Variants in ASIC4 observed in about 807,000 individuals in gnomAD.
The protein encoded by ASIC4 is acid-sensing ion channel 4.
In ASIC4, 28 loss-of-function variants were observed where a neutral mutation model predicts 53.4. That is an observed-to-expected ratio of 0.52 (90% CI 0.39 to 0.72). The LOEUF is 0.72. Among genes scored for constraint, ASIC4 ranks in the 30% least tolerant of loss-of-function variants. The probability of loss-of-function intolerance (pLI) is 0.00; values close to 1 mark genes in which losing one functional copy is unlikely to be tolerated. For synonymous variants in ASIC4, 289 were observed against 301.4 expected, an observed-to-expected ratio of 0.96 and a Z score of 0.43; for missense variants, 649 against 729.7, an observed-to-expected ratio of 0.89 and a Z score of 1.27.
intron 1 of ASIC4, among the ~76,000 whole-genome samples, chr2:219,528,818 G>T (rs1339819067): frequency 1.3e-5 from 2 of 152,184 alleles, no homozygotes; most frequent in African/African-American, 4.8e-5. Flanking sequence ...GGGATTACAG[G>T]TGTGAGCCAC....
chr2:219,533,353 C>G (rs1213227111), intron 5 of ASIC4: 3 of 277,684 alleles, frequency 1.1e-5, no homozygotes, highest in Non-Finnish European at 2.1e-5. Flanking sequence ...ATCTATCCAT[C>G]CATTCATCGA....
In ASIC4 at chr2:219,538,408, A is replaced by G. The variant is rs1173101357; in HGVS notation, c.*362A>G. 1 of 257,050 alleles carries G rather than the reference A, an allele frequency of 3.9e-6. No individual in the cohort carries two copies. Among genetic ancestry groups the G allele is most frequent in the Non-Finnish European group, 7.6e-6 (1 of 131,378 alleles). 15.9% of individuals were successfully genotyped at this position (257,050 alleles called of 1,614,324 possible). On this transcript the variant is annotated 3_prime_UTR_variant, in exon 10 of 10. Transcript: ENST00000358078. Reference sequence around the variant, plus strand: ...AGCCGGGTGGGGGGAGGGGATACAGATGTAGAAGGTGGGTAGGGCTACAGG... The same window carrying G: ...AGCCGGGTGGGGGGAGGGGATACAGGTGTAGAAGGTGGGTAGGGCTACAGG...
chr2:219,524,412 C>A (rs1286353724), intron 1 of ASIC4, among the ~76,000 whole-genome samples: 2 of 152,238 alleles, frequency 1.3e-5, no homozygotes, highest in Non-Finnish European at 2.9e-5. Context: ...CTTCCTTATC[C>A]TCTCTGTACC....
At chr2:219,532,773 T>A (rs1207179485) in intron 4 of ASIC4, 110 bp from the exon 5 acceptor site, 2 of 1,095,124 alleles carry the variant, frequency 1.8e-6, no homozygotes, top group Non-Finnish European at 2.7e-6. Flanking sequence ...CAAGCACATT[T>A]ATGCAAATGT....
rs1014617399 is a variant in ASIC4, at chr2:219,536,011, G to T, written c.1229+687G>T. Among the ~76,000 whole-genome samples, 4 of 152,122 alleles carry T rather than the reference G, an allele frequency of 2.6e-5. No individual in the cohort carries two copies. The highest frequency in any genetic ancestry group is 1.3e-4 in the Admixed American group (2 of 15,276). On this transcript the variant is annotated intron_variant, in intron 6 of 9. Coordinates refer to ENST00000358078, the MANE Select transcript of ASIC4 (RefSeq NM_018674.6). The surrounding 1 kb of genome is among the most constrained non-coding windows in gnomAD (Gnocchi z 4.6). The stretch of plus-strand genomic sequence containing the variant: ...TGGTCTTAAACTCCTGACCTCAAGT[G>T]ATCTGCCGTCCTTGGTCTCCCAAAG...
intron 5 of ASIC4, 141 bp from the exon 6 acceptor site, chr2:219,535,030 A>G: frequency 2.4e-6 from 3 of 1,258,034 alleles, no homozygotes; most frequent in Non-Finnish European, 3.3e-6. Context: ...CCCCTCTAGG[A>G]AGCACTGGGG....
At position 219,537,149 on chromosome 2, in the gene ASIC4, C is replaced by T. The variant is rs1559121012; in HGVS notation, c.1313C>T (p.Ala438Val). 1 of 1,614,012 alleles carries T rather than the reference C, an allele frequency of 6.2e-7. No homozygotes were observed. Among genetic ancestry groups the T allele is most frequent in the Non-Finnish European group, 8.5e-7 (1 of 1,179,914 alleles). ...MEQRAAYGLS[A>V]LLGDLGGQMG... ...CAGCGAGCAGCCTATGGCCTGTCAG[C>T]CCTGCTGGGTGAGACTGGTGTCCCT... is the stretch of plus-strand genomic sequence containing the variant. The change falls in exon 7 of 10, where the codon GCC becomes GTC. Residue 438 changes from alanine (A) to valine (V), a missense_variant. Ala to Val is a moderately conservative substitution (Grantham distance 64). Coordinates refer to ENST00000358078, the MANE Select transcript of ASIC4 (RefSeq NM_018674.6). The surrounding 1 kb of genome is among the most constrained non-coding windows in gnomAD (Gnocchi z 4.9).
intron 1 of ASIC4, among the ~76,000 whole-genome samples, chr2:219,523,417 C>T (rs543075436): frequency 2.8e-4 from 42 of 152,202 alleles, no homozygotes; most frequent in Non-Finnish European, 5.6e-4. Flanking sequence ...CCTGTCCCTT[C>T]CACCACAGCT....
chr2:219,513,512 T>C (rs554748964), upstream of ASIC4, among the ~76,000 whole-genome samples: 9 of 152,248 alleles, frequency 5.9e-5, no homozygotes, highest in East Asian at 1.5e-3. Context: ...TTCGCTCCCA[T>C]TGACGCCCAG....
Position 219,537,263 on chromosome 2 carries a change from G to A in ASIC4, c.1343G>A (p.Gly448Asp), listed in dbSNP as rs1443629051. 1 of 1,613,866 alleles carries A rather than the reference G, an allele frequency of 6.2e-7. No homozygotes were observed. The highest frequency in any genetic ancestry group is 8.5e-7 in the Non-Finnish European group (1 of 1,179,910). ...CCAGGAGACCTCGGGGGACAGATGGGCCTGTTCATTGGGGCCAGCATCCTC... is the reference window on the plus strand; with the variant it reads ...CCAGGAGACCTCGGGGGACAGATGGACCTGTTCATTGGGGCCAGCATCCTC... ...ALLGDLGGQM[G>D]LFIGASILTL... Residue 448 changes from glycine (G) to aspartate (D), a missense_variant, in exon 8 of 10, where the codon GGC (glycine) becomes GAC (aspartate). Coordinates refer to ENST00000358078, the MANE Select transcript of ASIC4 (RefSeq NM_018674.6). The surrounding 1 kb of genome is among the most constrained non-coding windows in gnomAD (Gnocchi z 4.9).
rs767502906 is a variant in ASIC4, at chr2:219,531,901, A to G, written c.726A>G (p.Thr242=). The G allele has an allele frequency of 6.8e-5, 109 of 1,611,072 alleles. No individual in the cohort carries two copies. Among genetic ancestry groups the G allele is most frequent in the Middle Eastern group, 4.9e-4 (3 of 6,066 alleles). Residue 242 remains threonine, a splice_region_variant and synonymous_variant, in exon 2 of 10, where the codon ACA becomes ACG. Coordinates refer to ENST00000358078, the MANE Select transcript of ASIC4 (RefSeq NM_018674.6). ...AGTACCTGCCCATCTGGAGGGAGACAAGTACGCAGGCCGGAAAGGGACAAG... is the reference window on the plus strand; with the variant it reads ...AGTACCTGCCCATCTGGAGGGAGACGAGTACGCAGGCCGGAAAGGGACAAG... ...QEEYLPIWRE[T]NETSFEAGIR...
rs776434719 is a variant in ASIC4, at chr2:219,537,128, G to A, written c.1292G>A (p.Arg431Gln). 5.0e-6 allele frequency: 8 copies of A among 1,614,028 alleles called. No individual in the cohort carries two copies. Among genetic ancestry groups the A allele is most frequent in the Non-Finnish European group, 6.8e-6 (8 of 1,180,022 alleles). The change falls in exon 7 of 10, where the codon CGA becomes CAA. Residue 431 changes from arginine to glutamine, a missense_variant. Arg to Gln is a conservative substitution (Grantham distance 43). Transcript: ENST00000358078. This position sits in a 1 kb window ranked among gnomAD's most constrained non-coding sequence, Gnocchi z 4.9. ...EALTSEAMEQ[R>Q]AAYGLSALLG... Reference sequence around the variant, plus strand: ...CTGACCTCTGAAGCCATGGAGCAGCGAGCAGCCTATGGCCTGTCAGCCCTG... The same window carrying A: ...CTGACCTCTGAAGCCATGGAGCAGCAAGCAGCCTATGGCCTGTCAGCCCTG...
intron 3 of ASIC4, 81 bp downstream of exon 3, chr2:219,532,209 C>T: frequency 6.2e-7 from 1 of 1,601,614 alleles, no homozygotes; most frequent in South Asian, 1.1e-5. Context: ...AACCTGCCCT[C>T]TAGAAGCTCA....
chr2:219,526,258 A>G (rs1694960213), intron 1 of ASIC4, among the ~76,000 whole-genome samples: 1 of 152,016 alleles, frequency 6.6e-6, no homozygotes, highest in African/African-American at 2.4e-5. Context: ...ACCCCTCATC[A>G]CTGTCTCAGG....
chr2:219,523,008 C>T (rs923847579), intron 1 of ASIC4, among the ~76,000 whole-genome samples: 4 of 151,944 alleles, frequency 2.6e-5, no homozygotes, highest in Non-Finnish European at 5.9e-5. Flanking sequence ...CAGGCCTGGG[C>T]GGCCAGGCTG....
chr2:219,531,673 G>A (rs767677884), intron 1 of ASIC4, 85 bp from the exon 2 acceptor site: 2 of 1,447,224 alleles, frequency 1.4e-6, no homozygotes, highest in Non-Finnish European at 1.9e-6. Context: ...CAGATCTGGT[G>A]GCCCTCAGCA....
At chr2:219,514,327 G>T, upstream of ASIC4, 1 of 1,526,792 alleles carries the variant, frequency 6.5e-7, no homozygotes, top group Non-Finnish European at 8.8e-7. Flanking sequence ...TTAAGCGTGG[G>T]GAGGGCTCCG....
At chr2:219,525,977 G>C (rs888064852) in intron 1 of ASIC4, among the ~76,000 whole-genome samples, 1 of 152,214 alleles carries the variant, frequency 6.6e-6, no homozygotes, top group Non-Finnish European at 1.5e-5. Flanking sequence ...AGCCCAGGCC[G>C]AAGATTAGCT....
At chr2:219,509,882 A>G (rs995903901), upstream of ASIC4, among the ~76,000 whole-genome samples, 10 of 152,028 alleles carry the variant, frequency 6.6e-5, no homozygotes, top group Admixed American at 1.3e-4. The surrounding 1 kb of genome is among the most constrained non-coding windows in gnomAD (Gnocchi z 5.2). Context: ...TTCTCAGTCT[A>G]GCCTTCAGCT....
Sources: gnomAD v4.1 joint callset for allele counts (sites outside exome capture counted in the v4.1 genomes callset) on GRCh38, gnomAD v4.1.1 for gene constraint, Gnocchi (gnomAD v3.1) non-coding constraint, MANE v1.5 for transcripts, NCBI Gene and HGNC (gene_info 2026-07-23, HGNC 2026-07-21) for gene names.